WNT2B: variants seen among roughly 807,000 people sequenced by gnomAD.
WNT2B encodes the protein protein Wnt-2b.
A neutral mutation model predicts 40.5 loss-of-function variants in WNT2B; 19 were observed. The observed-to-expected ratio is 0.47, with a 90% CI of 0.33 to 0.69. WNT2B has a LOEUF of 0.69. WNT2B is among the 30% of genes least tolerant of loss of function. The probability of loss-of-function intolerance (pLI) is 0.02; values close to 1 mark genes in which losing one functional copy is unlikely to be tolerated. For missense variants in WNT2B, 467 were observed against 556.4 expected (o/e 0.84, Z 1.62); for synonymous variants, 220 against 211.9 (o/e 1.04, Z -0.33).
chr1:112,508,718 GGCAGGGACTGGGCGCTTGGGGC>G, upstream of WNT2B: 1 of 985,894 alleles, frequency 1.0e-6, no homozygotes, highest in Non-Finnish European at 1.2e-6. The surrounding 1 kb of genome is among the most constrained non-coding windows in gnomAD (Gnocchi z 4.2). Flanking sequence ...GCGCGGTGTC[GGCAGGGACTGGGCGCTTGGGGC>G]GCAGGAGGGA....
chr1:112,473,667 C>T (rs900862755), intron 1 of WNT2B, among the ~76,000 whole-genome samples: 1 of 151,256 alleles, frequency 6.6e-6, no homozygotes, highest in African/African-American at 2.4e-5. Flanking sequence ...AAACAATAGC[C>T]AAGATTTTCC....
upstream of WNT2B, among the ~76,000 whole-genome samples, chr1:112,507,988 C>A (rs563760361): frequency 6.6e-6 from 1 of 152,062 alleles, no homozygotes; most frequent in Non-Finnish European, 1.5e-5. Context: ...GCAGACTGCA[C>A]CTCCCCACCC....
At position 112,526,422 on chromosome 1, in the gene WNT2B, CAG is replaced by C. The variant is rs1204450157; in HGVS notation, c.*5915_*5916del. 3 of 223,774 alleles carry C rather than the reference CAG, an allele frequency of 1.3e-5. No homozygotes were observed. The highest frequency in any genetic ancestry group is 9.0e-5 in the East Asian group (1 of 11,106). 13.9% of individuals were successfully genotyped at this position (223,774 alleles called of 1,614,324 possible). On this transcript the variant is annotated 3_prime_UTR_variant, in exon 5 of 5. Coordinates refer to ENST00000369684, the MANE Select transcript of WNT2B (RefSeq NM_024494.3). ...ATAGACACAGTAGAAGTAGTCATGACAGAAAATTATTAAGGCTTTGAAAATAT... is the reference window on the plus strand; with the variant it reads ...ATAGACACAGTAGAAGTAGTCATGACAAAATTATTAAGGCTTTGAAAATAT...
In WNT2B at chr1:112,520,864, A is replaced by G. The variant is rs1274908093; in HGVS notation, c.*355A>G. On this transcript the variant is annotated 3_prime_UTR_variant, in exon 5 of 5. Transcript: ENST00000369684. ...GCTTCCCGATACTTCTTGGTGTGCA[A>G]GAGGAAGGGTACCTGTAGAGAGCTT... 2 of 265,644 alleles carry G rather than the reference A, an allele frequency of 7.5e-6. No individual in the cohort carries two copies. Among genetic ancestry groups the G allele is most frequent in the South Asian group, 1.5e-4 (2 of 13,642 alleles). The allele number at this position is 265,644 out of a possible 1,614,324, so 16.5% of individuals were successfully genotyped here. A position where few individuals can be genotyped will look rare whatever the true frequency, so the allele number is the denominator to read the frequency against.
rs910697 is a variant in WNT2B at position 112,520,503 on chromosome 1, A to G, written c.1170A>G (p.Gln390=). The G allele has an allele frequency of 0.47, 751,979 of 1,612,766 alleles. 177,367 individuals carry two copies. Among genetic ancestry groups the G allele is most frequent in the East Asian group, 0.64 (28,617 of 44,798 alleles). The change falls in exon 5 of 5, where the codon CAA becomes CAG. Residue 390 remains glutamine, a synonymous_variant. Transcript: ENST00000369684. ...CCAAGAAGGCAGAGTGGCTGGACCAAACCTGAACACACAGATACCTCACTC... is the reference window on the plus strand; with the variant it reads ...CCAAGAAGGCAGAGTGGCTGGACCAGACCTGAACACACAGATACCTCACTC... The part of the protein sequence containing the change: ...KAPKKAEWLD[Q]T
intron 1 of WNT2B, among the ~76,000 whole-genome samples, chr1:112,470,361 G>C (rs902796118): frequency 4.6e-5 from 7 of 152,108 alleles, no homozygotes; most frequent in Non-Finnish European, 8.8e-5. Flanking sequence ...GGCTGAGGCG[G>C]GTGGATCACC....
In WNT2B at chr1:112,509,026, A is replaced by G. The variant is rs747860985; in HGVS notation, c.-237A>G. The G allele has an allele frequency of 1.1e-3, 1,431 of 1,343,928 alleles. No individual in the cohort carries two copies. The highest frequency in any genetic ancestry group is 1.3e-3 in the Non-Finnish European group (1,343 of 1,056,716). The allele number at this position is 1,343,928 out of a possible 1,614,324, so 83.3% of individuals were successfully genotyped here. A position where few individuals can be genotyped will look rare whatever the true frequency, so the allele number is the denominator to read the frequency against. ...CCCCCTGACACCGCACCCGGTCCTCAGGCAGCGCGCCCCAGACCCCGGGTT... is the reference window on the plus strand; with the variant it reads ...CCCCCTGACACCGCACCCGGTCCTCGGGCAGCGCGCCCCAGACCCCGGGTT... On this transcript the variant is annotated 5_prime_UTR_variant, in exon 1 of 5. Transcript: ENST00000369684. This position sits in a 1 kb window ranked among gnomAD's most constrained non-coding sequence, Gnocchi z 4.2.
At chr1:112,500,561 G>A (rs1651914359) in intron 1 of WNT2B, among the ~76,000 whole-genome samples, 1 of 152,126 alleles carries the variant, frequency 6.6e-6, no homozygotes, top group African/African-American at 2.4e-5. Context: ...CTTTAGCCCA[G>A]GAGTTCAAGA....
Position 112,515,025 on chromosome 1 carries a change from C to A in WNT2B, c.334C>A (p.Arg112Ser), listed in dbSNP as rs1398599303. The A allele has an allele frequency of 1.9e-6, 3 of 1,614,142 alleles. No individual in the cohort carries two copies. The highest frequency in any genetic ancestry group is 2.5e-6 in the Non-Finnish European group (3 of 1,180,020). ...GATCCGAGAGTGTCAGCACCAATTC[C>A]GCCACCACCGCTGGAACTGTACCAC... Reference protein sequence around the residue: ...EWIRECQHQFRHHRWNCTTLD... With the variant: ...EWIRECQHQFSHHRWNCTTLD... Residue 112 changes from arginine (R) to serine (S), a missense_variant, in exon 2 of 5, where the codon CGC becomes AGC. By Grantham distance (110) the Arg-to-Ser change is moderately radical. Coordinates refer to ENST00000369684, the MANE Select transcript of WNT2B (RefSeq NM_024494.3). This position sits in a 1 kb window ranked among gnomAD's most constrained non-coding sequence, Gnocchi z 4.4.
chr1:112,473,179 G>A (rs1200642987), intron 1 of WNT2B, among the ~76,000 whole-genome samples: 13 of 136,306 alleles, frequency 9.5e-5, no homozygotes, highest in South Asian at 2.5e-4. Flanking sequence ...AAGGGAGGGC[G>A]GGAGGGACAG....
intron 1 of WNT2B, among the ~76,000 whole-genome samples, chr1:112,500,138 T>A (rs1366329115): frequency 6.6e-6 from 1 of 152,214 alleles, no homozygotes; most frequent in Non-Finnish European, 1.5e-5. Flanking sequence ...GCTAAGGTAG[T>A]GACTCTCCAA....
chr1:112,516,459 G>A (rs780627392), intron 3 of WNT2B, 42 bp downstream of exon 3: 3 of 1,576,596 alleles, frequency 1.9e-6, no homozygotes, highest in South Asian at 2.4e-5. Context: ...TATTTGCTGG[G>A]GGTGACCAGT....
rs139436289 is a variant in WNT2B, at chr1:112,489,278, G to T, written c.-95+21687G>T. ...AAAAAAAAGAAAAAGAAAAAAAAAG[G>T]CCAGGCACAGTGGCTCACACCTTTA... On this transcript the variant is annotated intron_variant, in intron 1 of 4. Transcript: ENST00000256640. 3.8e-3 allele frequency among the ~76,000 whole-genome samples: 576 copies of T among 151,968 alleles called. 1 individual carries two copies. Among genetic ancestry groups the T allele is most frequent in the African/African-American group, 0.013 (541 of 41,414 alleles).
rs1197815216 is a variant in WNT2B, at chr1:112,520,817, CT to C, written c.*314del. On this transcript the variant is annotated 3_prime_UTR_variant, in exon 5 of 5. Transcript: ENST00000369684. ...GCACTAAAGTACGTAGTTGAGGCTCCTTTTTTCTTTCCTTTGCACCAGCTTC... is the reference window on the plus strand; with the variant it reads ...GCACTAAAGTACGTAGTTGAGGCTCCTTTTTCTTTCCTTTGCACCAGCTTC... 11 of 357,866 alleles carry C rather than the reference CT, an allele frequency of 3.1e-5. No individual in the cohort carries two copies. Among genetic ancestry groups the C allele is most frequent in the East Asian group, 2.9e-4 (6 of 21,002 alleles). 22.2% of individuals were successfully genotyped at this position (357,866 alleles called of 1,614,324 possible).
chr1:112,481,847 C>T (rs1459751687), intron 1 of WNT2B, among the ~76,000 whole-genome samples: 1 of 151,494 alleles, frequency 6.6e-6, no homozygotes, highest in Non-Finnish European at 1.5e-5. Flanking sequence ...CCCATATCTA[C>T]AAAAATTTTT....
intron 1 of WNT2B, among the ~76,000 whole-genome samples, chr1:112,479,977 G>C (rs1035775458): frequency 2.0e-5 from 3 of 151,998 alleles, no homozygotes; most frequent in Non-Finnish European, 4.4e-5. Context: ...CTCCCAAAGT[G>C]CTGGGATTAC....
At chr1:112,477,078 G>A (rs1651074716) in intron 1 of WNT2B, among the ~76,000 whole-genome samples, 1 of 152,204 alleles carries the variant, frequency 6.6e-6, no homozygotes, top group Non-Finnish European at 1.5e-5. Context: ...CCCCAAGCAG[G>A]AATAAGAGAA....
rs968013762 is a variant in WNT2B, at chr1:112,509,546, G to C, written c.182+102G>C. On this transcript the variant is annotated intron_variant, in intron 1 of 4. Transcript: ENST00000369684. The surrounding 1 kb of genome is among the most constrained non-coding windows in gnomAD (Gnocchi z 4.2). Reference sequence around the variant, plus strand: ...CACGGGACCAGGCTGTTGCTTCGACGGGTTGGAGACGATTCGGGCAGGACT... The same window carrying C: ...CACGGGACCAGGCTGTTGCTTCGACCGGTTGGAGACGATTCGGGCAGGACT... The C allele has an allele frequency of 4.3e-5, 57 of 1,324,972 alleles. No individual in the cohort carries two copies. In the South Asian group the frequency reaches 6.5e-4, roughly 15 times the overall value. The allele number at this position is 1,324,972 out of a possible 1,614,324, so 82.1% of individuals were successfully genotyped here.
At chr1:112,502,019 G>C (rs1025188337) in intron 1 of WNT2B, among the ~76,000 whole-genome samples, 4 of 152,240 alleles carry the variant, frequency 2.6e-5, no homozygotes, top group African/African-American at 9.6e-5. Context: ...AGGGCGAGTC[G>C]CCCACCCGCG....
Sources: gnomAD v4.1 joint callset for allele counts (sites outside exome capture counted in the v4.1 genomes callset) on GRCh38, gnomAD v4.1.1 for gene constraint, Gnocchi (gnomAD v3.1) non-coding constraint, MANE v1.5 for transcripts, NCBI Gene and HGNC (gene_info 2026-07-23, HGNC 2026-07-21) for gene names.